Variants in CDHR3 observed in about 807,000 individuals in gnomAD.
CDHR3 encodes cadherin related family member 3, also known as cadherin-related family member 3.
A neutral mutation model predicts 86.6 loss-of-function variants in CDHR3; 79 were observed. The ratio of observed to expected loss-of-function variants is 0.91; its 90% CI spans 0.76 to 1.10. CDHR3 has a LOEUF of 1.10. Among genes scored for constraint, CDHR3 ranks in the 50% least tolerant of loss-of-function variants. CDHR3 has a pLI of 0.00. For synonymous variants in CDHR3, 421 were observed against 402.4 expected, an observed-to-expected ratio of 1.05 and a Z score of -0.55; for missense variants, 1,081 against 1,077.6, an observed-to-expected ratio of 1.00 and a Z score of -0.04.
rs773875637 is a variant in CDHR3, at chr7:105,994,753, T to C, written c.516T>C (p.Tyr172=). ...EDTSRNIPLS[Y]FLISPPKSFR... ...AATTTTTTTCCCTTGTTTTTTAGTA[T>C]TTCCTGATTTCTCCCCCAAAGAGCT... The change falls in exon 5 of 19, where the codon TAT becomes TAC. Residue 172 remains tyrosine (Y), a splice_region_variant and synonymous_variant. Coordinates refer to ENST00000317716, the MANE Select transcript of CDHR3 (RefSeq NM_152750.5). The C allele has an allele frequency of 1.2e-6, 2 of 1,608,382 alleles. No individual in the cohort carries two copies. Among genetic ancestry groups the C allele is most frequent in the South Asian group, 2.2e-5 (2 of 89,750 alleles).
chr7:105,992,131 C>A (rs1261620475), intron 4 of CDHR3, among the ~76,000 whole-genome samples: 3 of 152,122 alleles, frequency 2.0e-5, no homozygotes, highest in Admixed American at 1.3e-4. Flanking sequence ...CTCGGTTGAC[C>A]ATAAGATTTT....
At chr7:106,001,303 G>T (rs1216678204) in intron 6 of CDHR3, among the ~76,000 whole-genome samples, 159 bp from the exon 7 acceptor site, 1 of 152,186 alleles carries the variant, frequency 6.6e-6, no homozygotes, top group Admixed American at 6.5e-5. Flanking sequence ...ACAAAAGCCA[G>T]CCACCCCTCC....
chr7:106,009,734 T>A (rs1436772487), intron 8 of CDHR3, among the ~76,000 whole-genome samples: 2 of 152,130 alleles, frequency 1.3e-5, no homozygotes, highest in South Asian at 2.1e-4. Context: ...CCCAGGCTGA[T>A]GATGAATGAG....
At position 105,987,948 on chromosome 7, in the gene CDHR3, TG is replaced by T. The variant is rs535745219; in HGVS notation, c.513+3661del. On this transcript the variant is annotated intron_variant, in intron 4 of 18. Coordinates refer to ENST00000317716, the MANE Select transcript of CDHR3 (RefSeq NM_152750.5). The stretch of plus-strand genomic sequence containing the variant: ...CTCTATCACCCAGGCTAGAGTACAC[TG>T]GTGCAATCACAGCTCACTGCAGCCT... 1.3e-3 allele frequency among the ~76,000 whole-genome samples: 204 copies of T among 152,380 alleles called. 5 individuals carry two copies. Among genetic ancestry groups the T allele is most frequent in the African/African-American group, 4.7e-3 (197 of 41,590 alleles).
chr7:105,986,844 GAA>G (rs1444614783), intron 4 of CDHR3, among the ~76,000 whole-genome samples: 1 of 152,130 alleles, frequency 6.6e-6, no homozygotes, highest in Non-Finnish European at 1.5e-5. Flanking sequence ...AAAGTTGGGA[GAA>G]AGAGTGGGCT....
Position 106,032,489 on chromosome 7 carries a change from A to AGCGT in CDHR3, c.2451_2452insCGTG (p.Gly818ArgfsTer26). 2 of 1,614,010 alleles carry AGCGT rather than the reference A, an allele frequency of 1.2e-6. No homozygotes were observed. The highest frequency in any genetic ancestry group is 2.2e-5 in the South Asian group (2 of 91,084). ...CCAAAATGGAAAGAGTCCAGCCACC[A>AGCGT]GGGAGCTGCCCCACGCAGAGTCACT... is the stretch of plus-strand genomic sequence containing the variant. On this transcript the variant is annotated frameshift_variant, in exon 19 of 19. Transcript: ENST00000317716. LOFTEE classifies it low-confidence loss of function (END_TRUNC).
chr7:105,970,839 T>A lies in CDHR3; in HGVS notation c.47-4005T>A, dbSNP rs527393051. On this transcript the variant is annotated intron_variant, in intron 1 of 18. Coordinates refer to ENST00000317716, the MANE Select transcript of CDHR3 (RefSeq NM_152750.5). ...AGAGCTGGAGAAACCGGATTTTGAA[T>A]TAAGGTCAGGAGAACCCAGCTTGGC... 2.6e-5 allele frequency among the ~76,000 whole-genome samples: 4 copies of A among 152,292 alleles called. No individual in the cohort carries two copies. In the East Asian group the frequency reaches 7.7e-4, roughly 29 times the overall value.
In CDHR3 at chr7:106,012,954, T is replaced by A; in HGVS notation, c.1147T>A (p.Phe383Ile). Residue 383 changes from phenylalanine (F) to isoleucine (I), a missense_variant, in exon 9 of 19, where the codon TTC (phenylalanine) becomes ATC (isoleucine). Transcript: ENST00000317716. ...DDDSEAPNNR[F>I]NFTMPSGVGS... ...TGACAGTGAGGCACCAAACAACAGATTCAACTTCACCATGCCATCTGGAGT... is the reference window on the plus strand; with the variant it reads ...TGACAGTGAGGCACCAAACAACAGAATCAACTTCACCATGCCATCTGGAGT... The A allele has an allele frequency of 6.2e-7, 1 of 1,613,792 alleles. No individual in the cohort carries two copies. Among genetic ancestry groups the A allele is most frequent in the Non-Finnish European group, 8.5e-7 (1 of 1,179,820 alleles).
chr7:106,024,322 G>A lies in CDHR3; in HGVS notation c.2077-59G>A, dbSNP rs1010069004. ...GAATAAACACTCAACACGAGAGAGTGCTGAATGTCAAAATCACTACCACCC... is the reference window on the plus strand; with the variant it reads ...GAATAAACACTCAACACGAGAGAGTACTGAATGTCAAAATCACTACCACCC... On this transcript the variant is annotated intron_variant, in intron 14 of 18. Transcript: ENST00000317716. 1.9e-5 allele frequency: 28 copies of A among 1,459,908 alleles called. No homozygotes were observed. In the African/African-American group the frequency reaches 2.2e-4, roughly 12 times the overall value. 90.4% of individuals were successfully genotyped at this position (1,459,908 alleles called of 1,614,324 possible).
intron 1 of CDHR3, 27 bp from the exon 2 acceptor site, chr7:105,974,817 T>A: frequency 1.3e-6 from 2 of 1,594,052 alleles, no homozygotes; most frequent in Non-Finnish European, 1.7e-6. Context: ...TGTGTTCATG[T>A]CATCCTGCAC....
chr7:106,029,580 T>C lies in CDHR3; in HGVS notation c.2304+998T>C, dbSNP rs547416258. On this transcript the variant is annotated intron_variant, in intron 17 of 18. Coordinates refer to ENST00000317716, the MANE Select transcript of CDHR3 (RefSeq NM_152750.5). ...TCTCTCTCTCTCTCTCTCTCTCTCT[T>C]TGACAGAACCTTATCTACCCCCTGG... is the stretch of plus-strand genomic sequence containing the variant. Among the ~76,000 whole-genome samples, 1,306 of 138,548 alleles carry C rather than the reference T, an allele frequency of 9.4e-3. 10 individuals carry two copies. The highest frequency in any genetic ancestry group is 0.027 in the African/African-American group (887 of 32,732). 90.9% of individuals were successfully genotyped at this position (138,548 alleles called of 152,430 possible).
In CDHR3 at chr7:106,013,262, T is replaced by A. The variant is rs566540994; in HGVS notation, c.1224+231T>A. Among the ~76,000 whole-genome samples, 52 of 152,346 alleles carry A rather than the reference T, an allele frequency of 3.4e-4. No homozygotes were observed. The South Asian group carries it at 3.5e-3, about 10-fold the overall frequency. On this transcript the variant is annotated intron_variant, in intron 9 of 18. Transcript: ENST00000317716. ...CCTGGGCTGCTGAGGACTGGATTCT[T>A]CCTTGCATAGCATGCAGTTTGTGTG...
intron 8 of CDHR3, among the ~76,000 whole-genome samples, chr7:106,008,254 A>G (rs1834241611): frequency 1.3e-5 from 2 of 152,086 alleles, no homozygotes; most frequent in African/African-American, 4.8e-5. Context: ...TAGTTGGCCA[A>G]TGGGGAGTCC....
Position 106,030,657 on chromosome 7 carries a change from C to G in CDHR3, c.2305-135C>G. The stretch of plus-strand genomic sequence containing the variant: ...TTGTTCATCACTGTGTCCCCTGCAT[C>G]TATCACAGTGCCTAATTAAAGACTT... On this transcript the variant is annotated intron_variant, in intron 17 of 18. Coordinates refer to ENST00000317716, the MANE Select transcript of CDHR3 (RefSeq NM_152750.5). This position sits in a 1 kb window ranked among gnomAD's most constrained non-coding sequence, Gnocchi z 4.8. The G allele has an allele frequency of 1.4e-6, 1 of 740,074 alleles. No homozygotes were observed. The highest frequency in any genetic ancestry group is 2.3e-6 in the Non-Finnish European group (1 of 427,666). The allele number at this position is 740,074 out of a possible 1,614,324, so 45.8% of individuals were successfully genotyped here.
chr7:106,012,870 C>T lies in CDHR3; in HGVS notation c.1063C>T (p.Pro355Ser). ...GTGTCTTTTCACCAGCATTATGGTG[C>T]CGGAAAGAACAGCCAAGGGGACGTT... The part of the protein sequence containing the change: ...CQKFTFSIMV[P>S]ERTAKGTLLL... Residue 355 changes from proline to serine, a missense_variant, in exon 9 of 19, where the codon CCG (proline) becomes TCG (serine). By Grantham distance (74) the Pro-to-Ser change is moderately conservative. Coordinates refer to ENST00000317716, the MANE Select transcript of CDHR3 (RefSeq NM_152750.5). The T allele has an allele frequency of 1.2e-6, 2 of 1,603,026 alleles. No individual in the cohort carries two copies. The highest frequency in any genetic ancestry group is 1.7e-6 in the Non-Finnish European group (2 of 1,175,552).
rs111632875 is a variant in CDHR3, at chr7:105,995,811, G to A, written c.609-439G>A. On this transcript the variant is annotated intron_variant, in intron 5 of 18. Coordinates refer to ENST00000317716, the MANE Select transcript of CDHR3 (RefSeq NM_152750.5). ...AGGCAGCCATCCAAGCAAAGGGGCTGATGAGGGGAAGTGGATGACAACACA... is the reference window on the plus strand; with the variant it reads ...AGGCAGCCATCCAAGCAAAGGGGCTAATGAGGGGAAGTGGATGACAACACA... Among the ~76,000 whole-genome samples the A allele has an allele frequency of 1.2e-4, 18 of 152,268 alleles. 2 individuals are homozygous for A. Among genetic ancestry groups the A allele is most frequent in the African/African-American group, 3.9e-4 (16 of 41,544 alleles).
chr7:105,963,442 G>A (rs2116812284), intron 1 of CDHR3, 78 bp downstream of exon 1: 1 of 1,479,488 alleles, frequency 6.8e-7, no homozygotes, highest in Non-Finnish European at 9.4e-7. Context: ...ATGTCCCCCA[G>A]AAAGGAAATT....
At chr7:105,969,124 T>C (rs193799) in intron 1 of CDHR3, among the ~76,000 whole-genome samples, 113,987 of 147,722 alleles carry the variant, frequency 0.77, 44,695 homozygotes, top group East Asian at 0.95. Context: ...GGGCCGGGCG[T>C]GGTGGCTCAC....
At chr7:106,031,515 C>T (rs1269573555) in intron 18 of CDHR3, among the ~76,000 whole-genome samples, 3 of 152,232 alleles carry the variant, frequency 2.0e-5, no homozygotes, top group East Asian at 1.9e-4. Flanking sequence ...CATATGCAAA[C>T]GGCACCGGTC....
Sources: allele counts gnomAD v4.1 joint callset (sites outside exome capture counted in the v4.1 genomes callset), GRCh38; gene constraint gnomAD v4.1.1; non-coding constraint Gnocchi (gnomAD v3.1); transcripts MANE v1.5; gene names NCBI Gene and HGNC (gene_info 2026-07-23, HGNC 2026-07-21).